Variants in GNAT3 observed in about 807,000 individuals in gnomAD.
The protein encoded by GNAT3 is guanine nucleotide-binding protein G(t) subunit alpha-3.
In GNAT3, 31 loss-of-function variants were observed where a neutral mutation model predicts 37.7. That is an observed-to-expected ratio of 0.82 (90% CI 0.62 to 1.11). The LOEUF (loss-of-function observed/expected upper bound fraction) is 1.11. Among genes scored for constraint, GNAT3 ranks in the 50% most tolerant of loss-of-function variants. The probability of loss-of-function intolerance (pLI) is 0.00; values close to 1 mark genes in which losing one functional copy is unlikely to be tolerated. For missense variants in GNAT3, 437 were observed against 412.5 expected (o/e 1.06, Z -0.51); for synonymous variants, 138 against 139.8 (o/e 0.99, Z 0.09).
intron 3 of GNAT3, among the ~76,000 whole-genome samples, chr7:80,488,057 T>A (rs1311889636): frequency 6.6e-6 from 1 of 152,134 alleles, no homozygotes; most frequent in East Asian, 1.9e-4. Flanking sequence ...TCCTACAATT[T>A]GAATTCTTTT....
intron 3 of GNAT3, 144 bp from the exon 4 acceptor site, chr7:80,479,142 G>T: frequency 1.6e-6 from 1 of 626,334 alleles, no homozygotes; most frequent in Non-Finnish European, 2.6e-6. Flanking sequence ...CTATATTGAG[G>T]TAAATAGAAC....
At chr7:80,458,971 G>A in intron 7 of GNAT3, 110 bp from the exon 8 acceptor site, 1 of 717,624 alleles carries the variant, frequency 1.4e-6, no homozygotes, top group Admixed American at 3.7e-5. Context: ...ACAAAGTATT[G>A]CAAAATCATA....
intron 7 of GNAT3, among the ~76,000 whole-genome samples, chr7:80,460,181 G>A (rs1790025794): frequency 7.1e-6 from 1 of 140,378 alleles, no homozygotes; most frequent in Admixed American, 7.3e-5. Context: ...AGACATGGAG[G>A]AAACTTAAAT....
intron 3 of GNAT3, among the ~76,000 whole-genome samples, chr7:80,480,071 A>G (rs974469766): frequency 1.3e-5 from 2 of 152,186 alleles, no homozygotes; most frequent in African/African-American, 4.8e-5. Flanking sequence ...AAATAATCAA[A>G]ATAGCTTTAT....
At position 80,478,983 on chromosome 7, in the gene GNAT3, G is replaced by T. The variant is rs780587404; in HGVS notation, c.319C>A (p.Leu107Ile). Residue 107 changes from leucine (L) to isoleucine (I), a missense_variant, in exon 4 of 8, where the codon CTT (leucine) becomes ATT (isoleucine). Transcript: ENST00000398291. ...TCCAGGGTATTTGCCATTGCATAAAGTTGTCGTTGGTCCTCCTAGAACAAT... is the reference window on the plus strand; with the variant it reads ...TCCAGGGTATTTGCCATTGCATAAATTTGTCGTTGGTCCTCCTAGAACAAT... ...NPRSAEDQRQ[L>I]YAMANTLEDG... 1 of 1,608,718 alleles carries T rather than the reference G, an allele frequency of 6.2e-7. No individual in the cohort carries two copies. The highest frequency in any genetic ancestry group is 8.5e-7 in the Non-Finnish European group (1 of 1,177,492).
At chr7:80,461,311 G>A (rs900373302) in intron 7 of GNAT3, among the ~76,000 whole-genome samples, 6 of 152,016 alleles carry the variant, frequency 3.9e-5, no homozygotes, top group African/African-American at 4.8e-5. Context: ...ACTTTGGGAC[G>A]CCAAGGTGGA....
intron 2 of GNAT3, among the ~76,000 whole-genome samples, chr7:80,492,556 T>A (rs1405356590): frequency 1.3e-5 from 2 of 151,798 alleles, no homozygotes; most frequent in African/African-American, 2.4e-5. Context: ...TATGTTTTAT[T>A]TTAATTTGTG....
At chr7:80,497,512 A>G (rs1790737714) in intron 1 of GNAT3, among the ~76,000 whole-genome samples, 1 of 151,560 alleles carries the variant, frequency 6.6e-6, no homozygotes, top group Non-Finnish European at 1.5e-5. Context: ...ACAGAATATC[A>G]GAATATCTTG....
chr7:80,478,174 G>T (rs755712969), intron 4 of GNAT3, among the ~76,000 whole-genome samples: 31 of 152,336 alleles, frequency 2.0e-4, no homozygotes, highest in Non-Finnish European at 3.7e-4. Flanking sequence ...GCCTCCCAAA[G>T]TGCTGGGATT....
intron 7 of GNAT3, among the ~76,000 whole-genome samples, chr7:80,460,518 C>T (rs1166153540): frequency 1.3e-5 from 2 of 152,004 alleles, no homozygotes; most frequent in Admixed American, 6.6e-5. Flanking sequence ...TTTGGGAGGG[C>T]GGATGGATCA....
chr7:80,472,228 C>T (rs950699967), intron 5 of GNAT3, among the ~76,000 whole-genome samples: 4 of 152,058 alleles, frequency 2.6e-5, no homozygotes, highest in Non-Finnish European at 4.4e-5. Flanking sequence ...TGCATTTCTC[C>T]TCAACTCTGC....
intron 3 of GNAT3, among the ~76,000 whole-genome samples, chr7:80,484,726 A>G (rs1222640381): frequency 6.6e-6 from 1 of 151,962 alleles, no homozygotes; most frequent in African/African-American, 2.4e-5. Context: ...GGGTTTGTTA[A>G]CCCTCTTTTC....
intron 1 of GNAT3, among the ~76,000 whole-genome samples, chr7:80,502,622 A>G (rs539183198): frequency 1.3e-5 from 2 of 152,198 alleles, no homozygotes; most frequent in East Asian, 3.9e-4. Context: ...GATTGAATTT[A>G]TCAAGCATGT....
At chr7:80,468,624 G>C (rs1375616443) in intron 5 of GNAT3, among the ~76,000 whole-genome samples, 1 of 152,046 alleles carries the variant, frequency 6.6e-6, no homozygotes, top group African/African-American at 2.4e-5. Context: ...CACACCCATA[G>C]CAAATGGTCT....
intron 5 of GNAT3, among the ~76,000 whole-genome samples, chr7:80,463,096 T>A (rs560713226): frequency 6.6e-6 from 1 of 152,284 alleles, no homozygotes; most frequent in Admixed American, 6.5e-5. Context: ...CTAGACACTG[T>A]GCTAGGTCTA....
At chr7:80,511,749 A>G (rs994501610) in intron 1 of GNAT3, 60 bp downstream of exon 1, 12 of 938,046 alleles carry the variant, frequency 1.3e-5, no homozygotes, top group Non-Finnish European at 2.0e-5. Flanking sequence ...TGAGAAAAGT[A>G]AATATATCAC....
intron 7 of GNAT3, among the ~76,000 whole-genome samples, chr7:80,460,714 C>G (rs1259302600): frequency 1.3e-5 from 2 of 151,574 alleles, no homozygotes; most frequent in Non-Finnish European, 2.9e-5. Flanking sequence ...TGCCACTGCA[C>G]TCCAGCCTGG....
In GNAT3 at chr7:80,511,821, G is replaced by A. The variant is rs186086930; in HGVS notation, c.106C>T (p.Leu36=). ...GAAAAGAAATTACCTAATAGTAGCAGCTTTACGGTTCTTGCATCTCGCTCA... is the reference window on the plus strand; with the variant it reads ...GAAAAGAAATTACCTAATAGTAGCAACTTTACGGTTCTTGCATCTCGCTCA... The part of the protein sequence containing the change: ...DAERDARTVK[L]LLLGAGESGK... The change falls in exon 1 of 8, where the codon CTG becomes TTG. Residue 36 remains leucine (L), a synonymous_variant. Transcript: ENST00000398291. 1.2e-6 allele frequency: 2 copies of A among 1,607,380 alleles called. No homozygotes were observed. Among genetic ancestry groups the A allele is most frequent in the Non-Finnish European group, 1.7e-6 (2 of 1,175,132 alleles).
chr7:80,473,177 C>G (rs545552172), intron 5 of GNAT3, among the ~76,000 whole-genome samples: 1 of 152,172 alleles, frequency 6.6e-6, no homozygotes, highest in African/African-American at 2.4e-5. Flanking sequence ...GATGTTGATC[C>G]CAATCGGTGC....
Sources: gnomAD v4.1 joint callset for allele counts (sites outside exome capture counted in the v4.1 genomes callset) on GRCh38, gnomAD v4.1.1 for gene constraint, MANE v1.5 for transcripts, NCBI Gene and HGNC (gene_info 2026-07-23, HGNC 2026-07-21) for gene names.